Variants in AMMECR1 observed in about 807,000 individuals in gnomAD.
AMMECR1 encodes the protein AMMECR nuclear protein 1, also known as nuclear protein AMMECR1.
A neutral mutation model predicts 22.5 loss-of-function variants in AMMECR1; 3 were observed. The observed-to-expected ratio is 0.13, with a 90% CI of 0.06 to 0.35. AMMECR1 has a LOEUF of 0.35. Among genes scored for constraint, AMMECR1 ranks in the 10% least tolerant of loss-of-function variants. The pLI is 1.00. For missense variants in AMMECR1, 235 were observed against 278.7 expected (o/e 0.84, Z 1.12); for synonymous variants, 130 against 116.7 (o/e 1.11, Z -0.74).
At chrX:110,294,803 C>T (rs950907278) in intron 1 of AMMECR1, among the ~76,000 whole-genome samples, 3 of 110,767 alleles carry the variant, frequency 2.7e-5, no homozygotes, top group Non-Finnish European at 5.7e-5. Flanking sequence ...TTTCATATTA[C>T]AACTCTTTAC....
chrX:110,351,427 G>A (rs2068210933), intron 2 of AMMECR1, among the ~76,000 whole-genome samples: 1 of 112,210 alleles, frequency 8.9e-6, no homozygotes, highest in Non-Finnish European at 1.9e-5. Flanking sequence ...AGGGTCCAGA[G>A]ATAAACTCTT....
intron 2 of AMMECR1, among the ~76,000 whole-genome samples, chrX:110,254,101 T>G (rs1484700055): frequency 9.0e-6 from 1 of 111,224 alleles, no homozygotes; most frequent in African/African-American, 3.3e-5. Context: ...GTTAAATTAC[T>G]CTTTTCAAAA....
intron 2 of AMMECR1, among the ~76,000 whole-genome samples, chrX:110,355,329 G>T (rs909901873): frequency 1.8e-5 from 2 of 111,967 alleles, no homozygotes; most frequent in African/African-American, 3.2e-5. Flanking sequence ...GAGCCCAGAG[G>T]CTGGAGGTTG....
intron 1 of AMMECR1, among the ~76,000 whole-genome samples, chrX:110,273,769 T>C (rs2067811413): frequency 1.8e-5 from 2 of 112,044 alleles, no homozygotes; most frequent in Admixed American, 1.9e-4. Context: ...CTCTACTTTG[T>C]TGAAGATCAG....
At chrX:110,367,116 C>A (rs932435873) in intron 2 of AMMECR1, among the ~76,000 whole-genome samples, 2 of 112,091 alleles carry the variant, frequency 1.8e-5, no homozygotes, top group Admixed American at 1.9e-4. Flanking sequence ...TACTTATGCA[C>A]TAAATTTTAT....
At chrX:110,281,484 T>A (rs772622000) in intron 1 of AMMECR1, among the ~76,000 whole-genome samples, 1 of 112,403 alleles carries the variant, frequency 8.9e-6, no homozygotes, top group Admixed American at 9.4e-5. Flanking sequence ...AAAGGATAAA[T>A]GACAAATACA....
At chrX:110,312,819 T>C (rs1197788800) in intron 1 of AMMECR1, among the ~76,000 whole-genome samples, 2 of 111,414 alleles carry the variant, frequency 1.8e-5, no homozygotes, top group African/African-American at 6.5e-5. Flanking sequence ...AATGACTCAA[T>C]TGTTCAGACA....
At chrX:110,282,150 G>GT (rs1569396555) in intron 1 of AMMECR1, among the ~76,000 whole-genome samples, 1 of 111,311 alleles carries the variant, frequency 9.0e-6, no homozygotes, top group Admixed American at 9.6e-5. Flanking sequence ...ACTCCCACAC[G>GT]TAAGAACTAT....
chrX:110,378,008 C>CAAAAAAAAAAAAA lies in AMMECR1; in HGVS notation c.-148+48637_-148+48649dup, dbSNP rs755483656. 3.2e-4 allele frequency among the ~76,000 whole-genome samples: 10 copies of CAAAAAAAAAAAAA among 30,948 alleles called. 1 individual carries two copies. Among genetic ancestry groups the CAAAAAAAAAAAAA allele is most frequent in the African/African-American group, 1.4e-3 (10 of 7,245 alleles). 26.9% of individuals were successfully genotyped at this position (30,948 alleles called of 115,157 possible). ...TGGGCGACAGAGCGAGACTCCGTCTCAAAAAAAAAAAAAAAAAAAAAAAAT... is the reference window on the plus strand; with the variant it reads ...TGGGCGACAGAGCGAGACTCCGTCTCAAAAAAAAAAAAAAAAAAAAAAAAAAAAAAAAAAAAAT... On this transcript the variant is annotated intron_variant, in intron 2 of 7. Transcript: ENST00000372057.
At chrX:110,436,325 T>C (rs1603010327) in intron 1 of AMMECR1, among the ~76,000 whole-genome samples, 1 of 111,567 alleles carries the variant, frequency 9.0e-6, no homozygotes, top group Non-Finnish European at 1.9e-5. Context: ...TTCACCAAGA[T>C]AGAATGCACT....
At position 110,318,083 on chromosome X, in the gene AMMECR1, C is replaced by T. The variant is rs1346874686; in HGVS notation, c.-12G>A. 1 of 1,175,805 alleles carries T rather than the reference C, an allele frequency of 8.5e-7. No individual in the cohort carries two copies. The highest frequency in any genetic ancestry group is 1.9e-5 in the South Asian group (1 of 51,646). On this transcript the variant is annotated 5_prime_UTR_variant, in exon 1 of 6. Transcript: ENST00000262844. ...CAACCCGCCGCCATCTTGGAACAGT[C>T]TCCCCCACGCAGCGTTTCCGACCCA...
At chrX:110,404,451 G>A (rs1245281976) in intron 2 of AMMECR1, among the ~76,000 whole-genome samples, 3 of 111,673 alleles carry the variant, frequency 2.7e-5, no homozygotes, top group Non-Finnish European at 5.6e-5. Flanking sequence ...AAATACACTC[G>A]CAGGACAAAC....
At chrX:110,318,182 G>A (rs2068062850), upstream of AMMECR1, 11 of 671,311 alleles carry the variant, frequency 1.6e-5, no homozygotes, top group East Asian at 2.6e-4. Flanking sequence ...GAGGCTGGCG[G>A]GGCGCGCGCG....
chrX:110,314,632 G>C (rs1171470585), intron 1 of AMMECR1, among the ~76,000 whole-genome samples: 1 of 111,938 alleles, frequency 8.9e-6, no homozygotes, highest in Non-Finnish European at 1.9e-5. Flanking sequence ...TAGCAAACAG[G>C]TTCCTATAAA....
chrX:110,433,062 C>T (rs2068809946), intron 1 of AMMECR1, among the ~76,000 whole-genome samples: 1 of 112,513 alleles, frequency 8.9e-6, no homozygotes, highest in Non-Finnish European at 1.9e-5. Context: ...GGGCTGCTCC[C>T]GGGTGGCTCC....
chrX:110,306,915 G>C (rs1022942098), intron 1 of AMMECR1: 2 of 110,966 alleles, frequency 1.8e-5, no homozygotes, highest in African/African-American at 6.6e-5. Context: ...TTTACTAACA[G>C]GGTAAAAATC....
intron 2 of AMMECR1, among the ~76,000 whole-genome samples, chrX:110,423,337 AAAAAG>A (rs372897012): frequency 1.3e-4 from 14 of 110,374 alleles, no homozygotes; most frequent in South Asian, 3.9e-4. Context: ...TCAAAAAAAA[AAAAAG>A]AAAAAGAAAA....
rs984159679 is a variant in AMMECR1, at chrX:110,247,059, A to G, written c.584+17430T>C. ...CACTGTGCACCATCACTGACATCCCAAAGACTAAAAATGTTACTCATTTCT... is the reference window on the plus strand; with the variant it reads ...CACTGTGCACCATCACTGACATCCCGAAGACTAAAAATGTTACTCATTTCT... On this transcript the variant is annotated intron_variant, in intron 2 of 5. Coordinates refer to ENST00000262844, the MANE Select transcript of AMMECR1 (RefSeq NM_015365.3). Among the ~76,000 whole-genome samples, 3 of 112,133 alleles carry G rather than the reference A, an allele frequency of 2.7e-5. No individual in the cohort carries two copies. In the Admixed American group the frequency reaches 2.8e-4, roughly 11 times the overall value.
intron 2 of AMMECR1, among the ~76,000 whole-genome samples, chrX:110,221,077 C>T (rs111228702): frequency 4.1e-4 from 46 of 112,494 alleles, no homozygotes; most frequent in African/African-American, 1.4e-3. Context: ...AGTTATCAAA[C>T]TGAGAGGGGC....
Sources: allele counts gnomAD v4.1 joint callset (sites outside exome capture counted in the v4.1 genomes callset), GRCh38; gene constraint gnomAD v4.1.1; transcripts MANE v1.5; gene names NCBI Gene and HGNC (gene_info 2026-07-23, HGNC 2026-07-21).